PYGB: variants seen among roughly 807,000 people sequenced by gnomAD.
PYGB encodes glycogen phosphorylase B, also known as glycogen phosphorylase, brain form.
In PYGB, 82 loss-of-function variants were observed where a neutral mutation model predicts 94.3. The observed-to-expected ratio is 0.87, with a 90% confidence interval of 0.73 to 1.04. The LOEUF (loss-of-function observed/expected upper bound fraction) is 1.04. Among genes scored for constraint, PYGB ranks in the 50% least tolerant of loss-of-function variants. The pLI, the probability that PYGB is intolerant of heterozygous loss-of-function variation, is 0.00. For missense variants in PYGB, 1,132 were observed against 1,158.2 expected, an observed-to-expected ratio of 0.98 and a Z score of 0.33; for synonymous variants, 488 against 479.1, an observed-to-expected ratio of 1.02 and a Z score of -0.24.
Position 25,297,285 on chromosome 20 carries a change from A to G in PYGB, c.*763A>G, listed in dbSNP as rs2088562436. The G allele has an allele frequency of 6.6e-6, 1 of 152,400 alleles. No individual in the cohort carries two copies. The highest frequency in any genetic ancestry group is 2.1e-4 in the South Asian group (1 of 4,832). 9.4% of individuals were successfully genotyped at this position (152,400 alleles called of 1,614,324 possible). On this transcript the variant is annotated 3_prime_UTR_variant, in exon 20 of 20. Coordinates refer to ENST00000216962, the MANE Select transcript of PYGB (RefSeq NM_002862.4). ...GCTTAGCTTGGTTTTGCTTATTCAA[A>G]AGAGAAAATAACTACACATGGAAAT...
Position 25,252,114 on chromosome 20 carries a change from C to T in PYGB, c.243+3693C>T, listed in dbSNP as rs73341135. On this transcript the variant is annotated intron_variant, in intron 1 of 19. Coordinates refer to ENST00000216962, the MANE Select transcript of PYGB (RefSeq NM_002862.4). ...AGCTTGCATCTCCTGGGCAGGCTTC[C>T]CTGACAGCAGATCGCTCAAAGTCAT... 6.6e-3 allele frequency among the ~76,000 whole-genome samples: 1,008 copies of T among 152,308 alleles called. 15 individuals carry two copies. Among genetic ancestry groups the T allele is most frequent in the African/African-American group, 0.023 (966 of 41,556 alleles).
At chr20:25,270,840 A>G (rs1187285250) in intron 3 of PYGB, among the ~76,000 whole-genome samples, 1 of 152,150 alleles carries the variant, frequency 6.6e-6, no homozygotes, top group Non-Finnish European at 1.5e-5. Flanking sequence ...TTTTCTTTCA[A>G]GACGTTTTGA....
At chr20:25,277,117 A>T in intron 6 of PYGB, 127 bp from the exon 7 acceptor site, 1 of 712,292 alleles carries the variant, frequency 1.4e-6, no homozygotes, top group Non-Finnish European at 2.5e-6. Context: ...GAGGGGAAGT[A>T]ATGCAGCGGC....
chr20:25,268,168 C>CCCCCT (rs1555806078), intron 2 of PYGB, among the ~76,000 whole-genome samples: 1 of 97,764 alleles, frequency 1.0e-5, no homozygotes, highest in African/African-American at 3.7e-5. Context: ...CCCGCCCCCC[C>CCCCCT]CCCATATCCA....
At position 25,248,169 on chromosome 20, in the gene PYGB, C is replaced by G. The variant is rs764783343; in HGVS notation, c.-10C>G. The G allele has an allele frequency of 1.3e-6, 2 of 1,586,906 alleles. No individual in the cohort carries two copies. Among genetic ancestry groups the G allele is most frequent in the Non-Finnish European group, 1.7e-6 (2 of 1,167,146 alleles). ...TCCTCCATCTCTTTTCCTCCGCCTC[C>G]GCCGGCGCGATGGCGAAGCCGCTGA... On this transcript the variant is annotated 5_prime_UTR_variant, in exon 1 of 20. Transcript: ENST00000216962.
rs752462993 is a variant in PYGB, at chr20:25,259,330, A to G, written c.337A>G (p.Ile113Val). The change falls in exon 2 of 20, where the codon ATC (isoleucine) becomes GTC (valine). Residue 113 changes from isoleucine to valine, a missense_variant. Ile to Val is a conservative substitution (Grantham distance 29). Transcript: ENST00000216962. ...CCTTCAGAATGCCTGCGATGAAGCC[A>G]TCTATCAGGTACAGAGCCTCATGGC... ...LGLQNACDEA[I>V]YQLGLDLEEL... 8.1e-6 allele frequency: 13 copies of G among 1,604,962 alleles called. No homozygotes were observed. The highest frequency in any genetic ancestry group is 2.2e-5 in the East Asian group (1 of 44,842).
chr20:25,269,152 C>G lies in PYGB; in HGVS notation c.369C>G (p.Leu123=). 1 of 1,596,890 alleles carries G rather than the reference C, an allele frequency of 6.3e-7. No homozygotes were observed. Among genetic ancestry groups the G allele is most frequent in the Non-Finnish European group, 8.6e-7 (1 of 1,164,340 alleles). Residue 123 remains leucine, a synonymous_variant, in exon 3 of 20, where the codon CTC becomes CTG. Coordinates refer to ENST00000216962, the MANE Select transcript of PYGB (RefSeq NM_002862.4). ...AGTTGGGGTTAGACTTGGAGGAACT[C>G]GAGGAGATAGAAGAAGATGCTGGCC... ...IYQLGLDLEE[L]EEIEEDAGLG... is the part of the protein sequence containing the mutation.
chr20:25,282,931 C>T (rs1451242631), intron 12 of PYGB, among the ~76,000 whole-genome samples: 3 of 152,202 alleles, frequency 2.0e-5, no homozygotes, highest in African/African-American at 7.2e-5. Flanking sequence ...GAGGGAGGGT[C>T]GTGTGTTTCC....
intron 15 of PYGB, 105 bp downstream of exon 15, chr20:25,288,588 C>T (rs760007214): frequency 1.7e-5 from 23 of 1,366,794 alleles, no homozygotes; most frequent in Admixed American, 5.7e-5. Flanking sequence ...ACTCGGGAAC[C>T]GGATGCCCAG....
rs527298627 is a variant in PYGB at position 25,295,507 on chromosome 20, G to A, written c.2313-97G>A. 3.9e-4 allele frequency: 548 copies of A among 1,387,438 alleles called. 3 individuals carry two copies. In the South Asian group the frequency reaches 6.1e-3, roughly 15 times the overall value. 85.9% of individuals were successfully genotyped at this position (1,387,438 alleles called of 1,614,324 possible). ...CCCTTCGCTCCAGACAGGACCAGGTGGATGGTGCCTGGCCTCCTGCCCTGG... is the reference window on the plus strand; with the variant it reads ...CCCTTCGCTCCAGACAGGACCAGGTAGATGGTGCCTGGCCTCCTGCCCTGG... On this transcript the variant is annotated intron_variant, in intron 18 of 19. Coordinates refer to ENST00000216962, the MANE Select transcript of PYGB (RefSeq NM_002862.4).
Position 25,281,163 on chromosome 20 carries a change from C to T in PYGB, c.1403+51C>T, listed in dbSNP as rs1376044988. The T allele has an allele frequency of 2.5e-6, 4 of 1,601,804 alleles. No homozygotes were observed. The East Asian group carries it at 6.7e-5, about 27-fold the overall frequency. ...GGCCAGCTCTGTCTGACACCCAGGC[C>T]TGCGTCTAGGACCATCCACCAAACA... On this transcript the variant is annotated intron_variant, in intron 11 of 19. Transcript: ENST00000216962.
Position 25,248,301 on chromosome 20 carries a change from C to T in PYGB, c.123C>T (p.Val41=). ...SFNRHLHFTL[V]KDRNVATPRD... is the part of the protein sequence containing the mutation. ...ACCGGCACTTGCACTTCACGCTGGT[C>T]AAGGACCGCAATGTGGCCACGCCCC... is the stretch of plus-strand genomic sequence containing the variant. The change falls in exon 1 of 20, where the codon GTC becomes GTT. Residue 41 remains valine, a synonymous_variant. Transcript: ENST00000216962. The T allele has an allele frequency of 6.2e-7, 1 of 1,605,016 alleles. No homozygotes were observed. The highest frequency in any genetic ancestry group is 8.5e-7 in the Non-Finnish European group (1 of 1,176,232).
At chr20:25,283,100 G>C in intron 12 of PYGB, 76 bp from the exon 13 acceptor site, 1 of 1,237,682 alleles carries the variant, frequency 8.1e-7, no homozygotes. Context: ...GCAACAATGG[G>C]AGGAGGGCAG....
chr20:25,271,059 G>A (rs1238908358), intron 3 of PYGB, among the ~76,000 whole-genome samples: 1 of 152,132 alleles, frequency 6.6e-6, no homozygotes, highest in African/African-American at 2.4e-5. Context: ...AGGGATTGGC[G>A]AGGCCTCAGC....
chr20:25,265,926 A>G (rs6115115), intron 2 of PYGB, among the ~76,000 whole-genome samples: 15,039 of 151,832 alleles, frequency 0.099, 800 homozygotes, highest in Non-Finnish European at 0.11. Context: ...AGAATTCTCT[A>G]TTTGTCCTAG....
intron 14 of PYGB, among the ~76,000 whole-genome samples, chr20:25,287,916 G>GGCT (rs1302270512): frequency 1.3e-5 from 2 of 152,184 alleles, no homozygotes; most frequent in Non-Finnish European, 2.9e-5. Flanking sequence ...GGAAGGTAGA[G>GGCT]GCTGCAGTGA....
intron 7 of PYGB, 143 bp downstream of exon 7, chr20:25,277,469 C>A: frequency 1.4e-6 from 1 of 707,170 alleles, no homozygotes; most frequent in Non-Finnish European, 2.4e-6. Context: ...CTTAGGTGCA[C>A]ACACGATGCC....
chr20:25,257,770 G>A (rs1009926186), intron 1 of PYGB, among the ~76,000 whole-genome samples: 3 of 152,172 alleles, frequency 2.0e-5, no homozygotes, highest in Admixed American at 2.0e-4. Flanking sequence ...TTGACCCACA[G>A]TATTTTCTCA....
chr20:25,275,000 T>G (rs544338564), intron 5 of PYGB, among the ~76,000 whole-genome samples: 2 of 148,004 alleles, frequency 1.4e-5, no homozygotes, highest in Admixed American at 6.6e-5. Context: ...AGAATGCAGC[T>G]GGGCGTCCAC....
Sources: allele counts gnomAD v4.1 joint callset (sites outside exome capture counted in the v4.1 genomes callset), GRCh38; gene constraint gnomAD v4.1.1; transcripts MANE v1.5; gene names NCBI Gene and HGNC (gene_info 2026-07-23, HGNC 2026-07-21).